Variants in ZNF680 observed in about 807,000 individuals in gnomAD.
ZNF680 encodes the protein hypothetical protein FLJ90430.
In ZNF680, 6 loss-of-function variants were observed where a neutral mutation model predicts 12.1. That is an observed-to-expected ratio of 0.49 (90% CI 0.27 to 0.98). The LOEUF (loss-of-function observed/expected upper bound fraction) is 0.98, where lower values mean the gene tolerates loss of function less well. Among genes scored for constraint, ZNF680 ranks in the 50% least tolerant of loss-of-function variants. The pLI is 0.12. For synonymous variants in ZNF680, 170 were observed against 199.3 expected, an observed-to-expected ratio of 0.85 and a Z score of 1.24; for missense variants, 561 against 616.3, an observed-to-expected ratio of 0.91 and a Z score of 0.95.
chr7:64,511,555 T>C, the ZNF680 span, among the ~76,000 whole-genome samples: 24 of 151,948 alleles, frequency 1.6e-4, no homozygotes, highest in Non-Finnish European at 2.6e-4. Context: ...ATATCAAGCT[T>C]TGCTGCTAAA....
intron 3 of ZNF680, among the ~76,000 whole-genome samples, chr7:64,529,254 C>CTT (rs1204117763): frequency 6.6e-6 from 1 of 152,190 alleles, no homozygotes; most frequent in Non-Finnish European, 1.5e-5. Flanking sequence ...AAACAAGGCT[C>CTT]TTTAACGCCC....
chr7:64,504,503 A>C, the ZNF680 span, among the ~76,000 whole-genome samples: 1 of 152,346 alleles, frequency 6.6e-6, no homozygotes, highest in African/African-American at 2.4e-5. Flanking sequence ...TGGAATGTGA[A>C]AATTTTCCAT....
chr7:64,505,318 T>C, the ZNF680 span, among the ~76,000 whole-genome samples: 1 of 152,266 alleles, frequency 6.6e-6, no homozygotes, highest in Non-Finnish European at 1.5e-5. Flanking sequence ...GACATAATCA[T>C]ACTGTTTAAA....
At chr7:64,523,607 A>C (rs1791662157) in intron 3 of ZNF680, among the ~76,000 whole-genome samples, 2 of 152,182 alleles carry the variant, frequency 1.3e-5, no homozygotes, top group Admixed American at 1.3e-4. Flanking sequence ...ACTTTCATTA[A>C]AGGGATTTAT....
At chr7:64,552,332 C>T (rs776057265) in intron 1 of ZNF680, among the ~76,000 whole-genome samples, 44 of 151,976 alleles carry the variant, frequency 2.9e-4, no homozygotes, top group Non-Finnish European at 5.7e-4. Flanking sequence ...TGATTACAGG[C>T]GTGAGCCACT....
intron 1 of ZNF680, 132 bp from the exon 2 acceptor site, chr7:64,544,564 T>C: frequency 7.1e-7 from 1 of 1,402,482 alleles, no homozygotes; most frequent in Non-Finnish European, 9.4e-7. Context: ...CTTACAGGAG[T>C]GAGTCAAATT....
At chr7:64,532,034 G>A (rs866278130) in intron 3 of ZNF680, among the ~76,000 whole-genome samples, 1 of 152,094 alleles carries the variant, frequency 6.6e-6, no homozygotes, top group Admixed American at 6.5e-5. Context: ...GGCCAGGCAC[G>A]GTGGCTCACG....
At chr7:64,501,743 G>A in the ZNF680 span, 1 of 892,464 alleles carries the variant, frequency 1.1e-6, no homozygotes, top group Non-Finnish European at 1.9e-6. Context: ...CATAGTGGGG[G>A]TTAGAAATCT....
At chr7:64,535,561 G>GT (rs1489566778) in intron 3 of ZNF680, among the ~76,000 whole-genome samples, 1 of 152,088 alleles carries the variant, frequency 6.6e-6, no homozygotes, top group Non-Finnish European at 1.5e-5. Flanking sequence ...TAGGCTGAAA[G>GT]TAACAAAATG....
intron 3 of ZNF680, among the ~76,000 whole-genome samples, chr7:64,534,249 T>G (rs991446449): frequency 6.6e-6 from 1 of 152,038 alleles, no homozygotes; most frequent in African/African-American, 2.4e-5. Context: ...TGGGAAAGGA[T>G]CTTCACAATT....
Position 64,522,391 on chromosome 7 carries a change from T to C in ZNF680, c.363A>G (p.Gln121=). 1.9e-6 allele frequency: 3 copies of C among 1,612,056 alleles called. No individual in the cohort carries two copies. The highest frequency in any genetic ancestry group is 1.3e-5 in the African/African-American group (1 of 75,006). ...GYGKCGHENL[Q]LRISCKSVDE... is the part of the protein sequence containing the mutation. ...CCACACTTTTACAACTTATTCTTAA[T>C]TGTAAATTCTCATGTCCACATTTTC... Residue 121 remains glutamine (Q), a synonymous_variant, in exon 4 of 4, where the codon CAA becomes CAG. Coordinates refer to ENST00000309683, the MANE Select transcript of ZNF680 (RefSeq NM_178558.5).
chr7:64,550,372 T>C (rs1787011739), intron 1 of ZNF680, among the ~76,000 whole-genome samples: 1 of 152,222 alleles, frequency 6.6e-6, no homozygotes, highest in Non-Finnish European at 1.5e-5. Context: ...GGTCTCATTT[T>C]AATGTCTCTT....
chr7:64,560,685 G>A (rs1363797087), intron 1 of ZNF680, among the ~76,000 whole-genome samples: 1 of 152,006 alleles, frequency 6.6e-6, no homozygotes, highest in African/African-American at 2.4e-5. Context: ...GGTGGCTAGC[G>A]CCTGTAGTCT....
In ZNF680 at chr7:64,550,596, C is replaced by G. The variant is rs139356338; in HGVS notation, c.31-6164G>C. Among the ~76,000 whole-genome samples the G allele has an allele frequency of 4.5e-3, 678 of 152,274 alleles. 12 individuals are homozygous for G. The highest frequency in any genetic ancestry group is 0.015 in the African/African-American group (628 of 41,550). On this transcript the variant is annotated intron_variant, in intron 1 of 3. Coordinates refer to ENST00000309683, the MANE Select transcript of ZNF680 (RefSeq NM_178558.5). The stretch of plus-strand genomic sequence containing the variant: ...ATTTCTACTCAATGCACACGTTACT[C>G]TAAGTTTGTGAGCCTCATGGTCTCT...
At chr7:64,556,617 TA>T (rs148018547) in intron 1 of ZNF680, among the ~76,000 whole-genome samples, 34,275 of 149,080 alleles carry the variant, frequency 0.23, 4,050 homozygotes, top group South Asian at 0.29. Context: ...TTACACCATA[TA>T]AAAAAAAAAT....
the ZNF680 span, among the ~76,000 whole-genome samples, chr7:64,514,170 G>A: frequency 7.2e-5 from 11 of 152,106 alleles, no homozygotes; most frequent in African/African-American, 1.2e-4. Flanking sequence ...GGGGCTCCTG[G>A]GGCATCCAAA....
intron 3 of ZNF680, among the ~76,000 whole-genome samples, chr7:64,537,075 CAAT>C (rs368413698): frequency 1.2e-4 from 18 of 152,134 alleles, no homozygotes; most frequent in African/African-American, 3.4e-4. Context: ...CTCAAAACAA[CAAT>C]GATGAATAAA....
intron 3 of ZNF680, chr7:64,524,590 T>C (rs1791732062): frequency 6.6e-6 from 1 of 152,178 alleles, no homozygotes; most frequent in Non-Finnish European, 1.5e-5. Flanking sequence ...TATAGTAGAA[T>C]ATTTTAATGC....
At chr7:64,502,569 T>C in the ZNF680 span, among the ~76,000 whole-genome samples, 1 of 152,124 alleles carries the variant, frequency 6.6e-6, no homozygotes, top group Admixed American at 6.5e-5. Context: ...TCTAGAAAAA[T>C]AGTGTTATAG....
Sources: allele counts gnomAD v4.1 joint callset (sites outside exome capture counted in the v4.1 genomes callset), GRCh38; gene constraint gnomAD v4.1.1; transcripts MANE v1.5; gene names NCBI Gene and HGNC (gene_info 2026-07-23, HGNC 2026-07-21).